RUNDC3B: variants seen among roughly 807,000 people sequenced by gnomAD.
RUNDC3B encodes RUN domain containing 3B, also known as RUN domain-containing protein 3B.
A neutral mutation model predicts 58.4 loss-of-function variants in RUNDC3B; 33 were observed. That is an observed-to-expected ratio of 0.56 (90% CI 0.43 to 0.75). RUNDC3B has a LOEUF of 0.75. Among genes scored for constraint, RUNDC3B ranks in the 30% least tolerant of loss-of-function variants. RUNDC3B has a pLI of 0.00. For synonymous variants in RUNDC3B, 193 were observed against 195.2 expected, an observed-to-expected ratio of 0.99 and a Z score of 0.10; for missense variants, 501 against 535.7, an observed-to-expected ratio of 0.94 and a Z score of 0.64.
At position 87,808,532 on chromosome 7, in the gene RUNDC3B, C is replaced by T. The variant is rs181001932; in HGVS notation, c.1103+1013C>T. ...GACTATTTGTTATTAAAAATAAGTA[C>T]TGGAGACTTCAATGCTTTTTCTTGT... is the stretch of plus-strand genomic sequence containing the variant. On this transcript the variant is annotated intron_variant, in intron 9 of 10. Transcript: ENST00000394654. Among the ~76,000 whole-genome samples the T allele has an allele frequency of 1.5e-3, 226 of 152,176 alleles. 2 individuals carry two copies. Among genetic ancestry groups the T allele is most frequent in the Middle Eastern group, 6.8e-3 (2 of 294 alleles).
chr7:87,807,678 A>C (rs1351776576), intron 9 of RUNDC3B, among the ~76,000 whole-genome samples, 159 bp downstream of exon 9: 2 of 152,178 alleles, frequency 1.3e-5, no homozygotes, highest in Non-Finnish European at 2.9e-5. Flanking sequence ...TTATCTGAGA[A>C]ATTCTTATGC....
At position 87,650,848 on chromosome 7, in the gene RUNDC3B, G is replaced by A. The variant is rs753998778; in HGVS notation, c.149G>A (p.Arg50Gln). Residue 50 changes from arginine to glutamine, a missense_variant, in exon 2 of 11, where the codon CGG becomes CAG. Transcript: ENST00000394654. ...TTTTCTGTGAAGACCCTGATTGATC[G>A]GTCTTGCTTTGAGACAATTGATGAT... ...CRFSVKTLIDRSCFETIDDSS... is the reference protein window; with the variant it reads ...CRFSVKTLIDQSCFETIDDSS... The A allele has an allele frequency of 1.2e-5, 20 of 1,610,844 alleles. No individual in the cohort carries two copies. Among genetic ancestry groups the A allele is most frequent in the East Asian group, 2.2e-5 (1 of 44,810 alleles).
chr7:87,630,932 C>A (rs1035680131), intron 1 of RUNDC3B, among the ~76,000 whole-genome samples: 2 of 152,090 alleles, frequency 1.3e-5, no homozygotes, highest in South Asian at 4.1e-4. Context: ...GAACGTCACA[C>A]TGATTTCTGG....
chr7:87,773,424 A>T (rs1434996649), intron 7 of RUNDC3B, among the ~76,000 whole-genome samples: 1 of 152,112 alleles, frequency 6.6e-6, no homozygotes, highest in Non-Finnish European at 1.5e-5. Flanking sequence ...TGAAGCAAAA[A>T]TTAATTAAAT....
At chr7:87,679,284 G>T (rs537553512) in intron 2 of RUNDC3B, among the ~76,000 whole-genome samples, 1 of 149,152 alleles carries the variant, frequency 6.7e-6, no homozygotes, top group African/African-American at 2.5e-5. Context: ...TAGTAGAGAC[G>T]GAGTTTCACA....
At chr7:87,795,868 C>T (rs535458865) in intron 8 of RUNDC3B, among the ~76,000 whole-genome samples, 109 of 152,086 alleles carry the variant, frequency 7.2e-4, no homozygotes, top group African/African-American at 2.5e-3. Context: ...CCAGCCTGAG[C>T]GTCAAGAGTG....
Position 87,807,532 on chromosome 7 carries a change from C to CT in RUNDC3B, c.1103+21dup, listed in dbSNP as rs754537300. The CT allele has an allele frequency of 9.4e-6, 15 of 1,602,662 alleles. No individual in the cohort carries two copies. Among genetic ancestry groups the CT allele is most frequent in the East Asian group, 2.2e-5 (1 of 44,776 alleles). On this transcript the variant is annotated intron_variant, in intron 9 of 10. Coordinates refer to ENST00000394654, the MANE Select transcript of RUNDC3B (RefSeq NM_001134405.2). ...AACAGTGGTATGAGTAAGTGTAATA[C>CT]TTTTTTTTCCAACTAATTAATAGTT...
chr7:87,737,695 A>G (rs1298816080), intron 4 of RUNDC3B, among the ~76,000 whole-genome samples: 1 of 152,092 alleles, frequency 6.6e-6, no homozygotes, highest in Non-Finnish European at 1.5e-5. Context: ...AATCCTCTTA[A>G]CTAGCCCTTC....
intron 6 of RUNDC3B, among the ~76,000 whole-genome samples, chr7:87,763,486 T>C (rs920921461): frequency 1.3e-5 from 2 of 151,706 alleles, no homozygotes; most frequent in African/African-American, 2.4e-5. Context: ...TCTGAAAATA[T>C]GCTTATCTCA....
At chr7:87,717,305 T>G (rs1383368005) in intron 4 of RUNDC3B, among the ~76,000 whole-genome samples, 1 of 151,912 alleles carries the variant, frequency 6.6e-6, no homozygotes, top group Non-Finnish European at 1.5e-5. Flanking sequence ...TGAATGAAAT[T>G]TTCATGTTAA....
chr7:87,797,818 T>G (rs1381285690), intron 8 of RUNDC3B, among the ~76,000 whole-genome samples: 2 of 152,192 alleles, frequency 1.3e-5, no homozygotes, highest in African/African-American at 4.8e-5. Flanking sequence ...TTTTATTATT[T>G]TGAACTCGTT....
chr7:87,709,217 T>A, intron 3 of RUNDC3B: 3 of 984,176 alleles, frequency 3.0e-6, no homozygotes, highest in Non-Finnish European at 3.6e-6. Flanking sequence ...AGATTTTCCC[T>A]ACATTTCTTA....
At chr7:87,698,364 G>T (rs985211020) in intron 2 of RUNDC3B, among the ~76,000 whole-genome samples, 2 of 152,124 alleles carry the variant, frequency 1.3e-5, no homozygotes, top group South Asian at 4.1e-4. Flanking sequence ...AAAGTGCTGG[G>T]ATTACAGGCG....
At chr7:87,691,257 A>G (rs1340697341) in intron 2 of RUNDC3B, among the ~76,000 whole-genome samples, 3 of 152,158 alleles carry the variant, frequency 2.0e-5, no homozygotes, top group Non-Finnish European at 4.4e-5. Flanking sequence ...AAAAGTACAT[A>G]CTTCTTGGGT....
At chr7:87,753,608 G>T (rs182675770) in intron 6 of RUNDC3B, among the ~76,000 whole-genome samples, 6 of 152,288 alleles carry the variant, frequency 3.9e-5, no homozygotes, top group Non-Finnish European at 4.4e-5. Flanking sequence ...TTGTTGAATT[G>T]ATCCCTTTAC....
chr7:87,676,629 A>C (rs1388591318), intron 2 of RUNDC3B, among the ~76,000 whole-genome samples: 1 of 145,288 alleles, frequency 6.9e-6, no homozygotes, highest in East Asian at 2.1e-4. Context: ...GCTTGAACCT[A>C]GGAGGCAGAG....
intron 2 of RUNDC3B, among the ~76,000 whole-genome samples, chr7:87,673,635 C>T (rs1826047893): frequency 6.6e-6 from 1 of 152,156 alleles, no homozygotes; most frequent in South Asian, 2.1e-4. Context: ...CCTTAGATTC[C>T]TTGGATTGAG....
intron 2 of RUNDC3B, among the ~76,000 whole-genome samples, chr7:87,674,060 C>T (rs868364535): frequency 1.3e-5 from 2 of 152,116 alleles, no homozygotes; most frequent in African/African-American, 4.8e-5. Flanking sequence ...TCTGGCCCCT[C>T]AAGGTTAGGA....
intron 2 of RUNDC3B, among the ~76,000 whole-genome samples, chr7:87,693,247 A>G (rs1454398477): frequency 6.6e-6 from 1 of 152,196 alleles, no homozygotes; most frequent in Non-Finnish European, 1.5e-5. Context: ...TAGAAGCTGT[A>G]ACAAATAAAA....
Sources: gnomAD v4.1 joint callset for allele counts (sites outside exome capture counted in the v4.1 genomes callset) on GRCh38, gnomAD v4.1.1 for gene constraint, MANE v1.5 for transcripts, NCBI Gene and HGNC (gene_info 2026-07-23, HGNC 2026-07-21) for gene names.